The following SPOCK3 variants were observed in gnomAD, a reference collection of about 807,000 sequenced individuals.
The protein encoded by SPOCK3 is testican-3.
SPOCK3 carries 30 observed loss-of-function variants against 56.6 expected under a neutral mutation model. The ratio of observed to expected loss-of-function variants is 0.53; its 90% CI spans 0.40 to 0.72. The LOEUF is 0.72. Among genes scored for constraint, SPOCK3 ranks in the 30% least tolerant of loss-of-function variants. The pLI is 0.00. For missense variants in SPOCK3, 527 were observed against 530.0 expected (o/e 0.99, Z 0.06); for synonymous variants, 196 against 183.3 (o/e 1.07, Z -0.56).
chr4:166,912,441 T>C lies in SPOCK3; in HGVS notation c.474+179A>G, dbSNP rs372872398. ...GCTTTAGTATTTCAAACCTTAAAAATTCTGATATAGAAAAAACAAATGCAC... is the reference window on the plus strand; with the variant it reads ...GCTTTAGTATTTCAAACCTTAAAAACTCTGATATAGAAAAAACAAATGCAC... On this transcript the variant is annotated intron_variant, in intron 5 of 10. Coordinates refer to ENST00000357545, the MANE Select transcript of SPOCK3 (RefSeq NM_001040159.2). Among the ~76,000 whole-genome samples, 390 of 151,136 alleles carry C rather than the reference T, an allele frequency of 2.6e-3. 2 individuals are homozygous for C. Among genetic ancestry groups the C allele is most frequent in the African/African-American group, 8.8e-3 (365 of 41,394 alleles).
chr4:166,885,962 T>C (rs1053132293), intron 6 of SPOCK3, among the ~76,000 whole-genome samples: 29 of 152,276 alleles, frequency 1.9e-4, no homozygotes, highest in South Asian at 8.3e-4. Flanking sequence ...TGTACCATTG[T>C]TGTGTAGACA....
chr4:166,889,957 A>G (rs932713890), intron 5 of SPOCK3, among the ~76,000 whole-genome samples: 1 of 151,944 alleles, frequency 6.6e-6, no homozygotes, highest in African/African-American at 2.4e-5. Context: ...TATTTCACAT[A>G]TATTTTTGGT....
chr4:166,818,634 C>G (rs990458886), intron 6 of SPOCK3, among the ~76,000 whole-genome samples: 1 of 151,864 alleles, frequency 6.6e-6, no homozygotes, highest in Admixed American at 6.6e-5. Flanking sequence ...TTAAAATAGG[C>G]ACATACTTCA....
intron 6 of SPOCK3, among the ~76,000 whole-genome samples, chr4:166,828,706 C>A (rs754817429): frequency 5.9e-5 from 9 of 152,130 alleles, no homozygotes; most frequent in Non-Finnish European, 1.0e-4. Context: ...TGGGTCAATT[C>A]TTTGTTCATT....
At chr4:167,005,248 T>C (rs1376954586) in intron 3 of SPOCK3, among the ~76,000 whole-genome samples, 1 of 151,924 alleles carries the variant, frequency 6.6e-6, no homozygotes, top group African/African-American at 2.4e-5. Context: ...CTCACTCTGT[T>C]GCCCAGGCTG....
chr4:167,148,854 G>T (rs1332096278), intron 2 of SPOCK3, among the ~76,000 whole-genome samples: 2 of 151,892 alleles, frequency 1.3e-5, no homozygotes, highest in Non-Finnish European at 2.9e-5. Context: ...AGTGAACAAG[G>T]TGAATACATT....
chr4:166,856,780 T>TTATCTATCTATC (rs75127358), intron 6 of SPOCK3, among the ~76,000 whole-genome samples: 11,998 of 149,296 alleles, frequency 0.08, 523 homozygotes, highest in South Asian at 0.12. Flanking sequence ...CTCAAAAAAA[T>TTATCTATCTATC]TATCTATCTA....
chr4:167,090,845 T>C (rs956490465), intron 2 of SPOCK3, among the ~76,000 whole-genome samples: 2 of 152,130 alleles, frequency 1.3e-5, no homozygotes, highest in Non-Finnish European at 2.9e-5. Flanking sequence ...CTGTTTTTTT[T>C]TTCCAAGTAT....
intron 6 of SPOCK3, among the ~76,000 whole-genome samples, chr4:166,825,065 A>G (rs990699395): frequency 3.9e-5 from 6 of 152,102 alleles, no homozygotes; most frequent in Non-Finnish European, 7.4e-5. Flanking sequence ...GTTATTCATG[A>G]TAGTTTTATA....
chr4:167,051,460 T>C (rs1209550641), intron 3 of SPOCK3, among the ~76,000 whole-genome samples: 4 of 152,240 alleles, frequency 2.6e-5, no homozygotes, highest in African/African-American at 9.6e-5. Context: ...TCCAGCTTTA[T>C]TAAAGATACT....
At chr4:166,746,662 C>A (rs2126439276) in intron 8 of SPOCK3, among the ~76,000 whole-genome samples, 1 of 152,026 alleles carries the variant, frequency 6.6e-6, no homozygotes, top group Admixed American at 6.5e-5. Flanking sequence ...GATAAAGACA[C>A]AAAATCCCTT....
At chr4:167,092,333 G>A (rs1210496844) in intron 2 of SPOCK3, among the ~76,000 whole-genome samples, 1 of 152,098 alleles carries the variant, frequency 6.6e-6, no homozygotes, top group Non-Finnish European at 1.5e-5. Context: ...CCTCTTTGAT[G>A]TGCCTTCTGG....
intron 6 of SPOCK3, among the ~76,000 whole-genome samples, chr4:166,877,741 AT>A (rs1285400999): frequency 6.6e-6 from 1 of 152,104 alleles, no homozygotes. Flanking sequence ...TCTTGAACTG[AT>A]TTTTTTGTTT....
At chr4:167,163,502 T>C (rs1765500376) in intron 2 of SPOCK3, among the ~76,000 whole-genome samples, 1 of 152,034 alleles carries the variant, frequency 6.6e-6, no homozygotes, top group Admixed American at 6.6e-5. Context: ...AGTTGGCCTG[T>C]TGTGCTATCA....
At chr4:166,847,647 T>TTTTA (rs369353581) in intron 6 of SPOCK3, among the ~76,000 whole-genome samples, 4 of 55,408 alleles carry the variant, frequency 7.2e-5, no homozygotes, top group Admixed American at 3.9e-4. Context: ...AAATCCTAGT[T>TTTTA]TATATATATA....
At chr4:167,074,828 A>G (rs560653582) in intron 2 of SPOCK3, among the ~76,000 whole-genome samples, 2 of 152,048 alleles carry the variant, frequency 1.3e-5, no homozygotes, top group South Asian at 2.1e-4. Context: ...AGGATTTTCA[A>G]AGAAAGAGAG....
At chr4:167,108,944 T>C (rs1240265287) in intron 2 of SPOCK3, among the ~76,000 whole-genome samples, 1 of 110,152 alleles carries the variant, frequency 9.1e-6, no homozygotes, top group Non-Finnish European at 1.7e-5. Flanking sequence ...TTTATATTTA[T>C]ATTATAAATA....
chr4:167,167,619 C>G (rs555655267), intron 2 of SPOCK3, among the ~76,000 whole-genome samples: 4 of 152,132 alleles, frequency 2.6e-5, no homozygotes, highest in Non-Finnish European at 5.9e-5. Flanking sequence ...ACCCCACTTT[C>G]TGTGATAGAG....
intron 4 of SPOCK3, among the ~76,000 whole-genome samples, chr4:166,968,492 G>C (rs573384064): frequency 6.6e-6 from 1 of 152,294 alleles, no homozygotes; most frequent in South Asian, 2.1e-4. Flanking sequence ...AGCTGCTCCA[G>C]CTCCAGCAAT....
Sources: gnomAD v4.1 joint callset for allele counts (sites outside exome capture counted in the v4.1 genomes callset) on GRCh38, gnomAD v4.1.1 for gene constraint, MANE v1.5 for transcripts, NCBI Gene and HGNC (gene_info 2026-07-23, HGNC 2026-07-21) for gene names.